Variants in TRIM37 observed in about 807,000 individuals in gnomAD.
TRIM37 encodes tripartite motif containing 37, also known as E3 ubiquitin-protein ligase TRIM37.
TRIM37 carries 80 observed loss-of-function variants against 129.8 expected under a neutral mutation model. The ratio of observed to expected loss-of-function variants is 0.62; its 90% confidence interval spans 0.51 to 0.74. The LOEUF (loss-of-function observed/expected upper bound fraction) is 0.74, where lower values mean the gene tolerates loss of function less well. TRIM37 is among the 30% of genes least tolerant of loss of function. The pLI, the probability that TRIM37 is intolerant of heterozygous loss-of-function variation, is 0.00. For synonymous variants in TRIM37, 389 were observed against 387.1 expected (o/e 1.00, Z -0.06); for missense variants, 1,054 against 1,176.5 (o/e 0.90, Z 1.52).
chr17:58,976,780 T>C, the TRIM37 span, among the ~76,000 whole-genome samples: 1 of 152,190 alleles, frequency 6.6e-6, no homozygotes, highest in African/African-American at 2.4e-5. Flanking sequence ...TACAAATCTT[T>C]GTATGTTCTG....
At chr17:58,996,161 C>T (rs1273970845), downstream of TRIM37, among the ~76,000 whole-genome samples, 2 of 151,876 alleles carry the variant, frequency 1.3e-5, no homozygotes, top group African/African-American at 4.8e-5. Context: ...AGGTTAAGTT[C>T]ACCAATAAAA....
intron 12 of TRIM37, 114 bp downstream of exon 12, chr17:59,060,918 A>T: frequency 1.3e-6 from 1 of 743,472 alleles, no homozygotes; most frequent in Non-Finnish European, 2.3e-6. Flanking sequence ...ATATTATTCT[A>T]CATCTTAACA....
intron 5 of TRIM37, among the ~76,000 whole-genome samples, chr17:59,081,964 A>AATAAT (rs1555688978): frequency 1.1e-4 from 10 of 87,190 alleles, no homozygotes; most frequent in East Asian, 3.1e-4. Flanking sequence ...AAAAAAAAAA[A>AATAAT]AATAATAATA....
At chr17:59,064,285 C>A in intron 10 of TRIM37, 70 bp downstream of exon 10, 1 of 1,227,118 alleles carries the variant, frequency 8.1e-7, no homozygotes, top group Non-Finnish European at 1.2e-6. Context: ...TACTGTCTTA[C>A]CAAAGAATAC....
chr17:58,967,985 G>T, the TRIM37 span, among the ~76,000 whole-genome samples: 12 of 152,036 alleles, frequency 7.9e-5, no homozygotes, highest in African/African-American at 2.9e-4. Context: ...TGTATTTTTA[G>T]TAGAGACAGG....
chr17:59,013,056 T>C, intron 21 of TRIM37, among the ~76,000 whole-genome samples: 1 of 152,186 alleles, frequency 6.6e-6, no homozygotes, highest in East Asian at 1.9e-4. Context: ...AATGTGAACC[T>C]ATAATTAGCT....
chr17:59,073,850 C>G (rs1168091178), intron 8 of TRIM37, among the ~76,000 whole-genome samples: 4 of 152,186 alleles, frequency 2.6e-5, no homozygotes, highest in Non-Finnish European at 5.9e-5. Context: ...ACATCTTGTC[C>G]CATTGAAAGG....
At position 58,998,633 on chromosome 17, in the gene TRIM37, C is replaced by A. The variant is rs2033265992; in HGVS notation, c.*744G>T. 6.1e-6 allele frequency: 6 copies of A among 985,114 alleles called. No homozygotes were observed. Among genetic ancestry groups the A allele is most frequent in the Non-Finnish European group, 7.2e-6 (6 of 829,852 alleles). The allele number at this position is 985,114 out of a possible 1,614,324, so 61.0% of individuals were successfully genotyped here. On this transcript the variant is annotated 3_prime_UTR_variant, in exon 24 of 24. Coordinates refer to ENST00000262294, the MANE Select transcript of TRIM37 (RefSeq NM_015294.6). ...GGGCTTTAAAATATTTGTTGCACTA[C>A]AGTCGTATAGTAAGAGGCAGAAAAA...
At chr17:58,969,149 A>G in the TRIM37 span, among the ~76,000 whole-genome samples, 1 of 152,184 alleles carries the variant, frequency 6.6e-6, no homozygotes, top group East Asian at 1.9e-4. Flanking sequence ...TTTGAAAAAA[A>G]TCACTCAATC....
chr17:59,057,735 G>A (rs940369058), intron 12 of TRIM37, among the ~76,000 whole-genome samples: 2 of 152,058 alleles, frequency 1.3e-5, no homozygotes, highest in Admixed American at 6.6e-5. Context: ...TGTTGGACAG[G>A]CTAGTATCAA....
intron 16 of TRIM37, among the ~76,000 whole-genome samples, chr17:59,044,479 T>C (rs1377875095): frequency 6.6e-6 from 1 of 151,826 alleles, no homozygotes. Context: ...GGGGAACTGC[T>C]TGAACCCAGG....
the TRIM37 span, among the ~76,000 whole-genome samples, chr17:58,972,436 C>T: frequency 3.9e-5 from 6 of 152,040 alleles, no homozygotes; most frequent in East Asian, 3.9e-4. Flanking sequence ...CTGCAACCTC[C>T]GCCTCCTGGG....
At position 59,091,293 on chromosome 17, in the gene TRIM37, C is replaced by T. The variant is rs370816046; in HGVS notation, c.164+7G>A. On this transcript the variant is annotated splice_region_variant and intron_variant, in intron 3 of 23. Transcript: ENST00000262294. Reference sequence around the variant, plus strand: ...AAATTCACAAATAATCGTAAGGAAACACTTACCGGCAATGAGGACATTGAG... The same window carrying T: ...AAATTCACAAATAATCGTAAGGAAATACTTACCGGCAATGAGGACATTGAG... The T allele has an allele frequency of 2.9e-4, 455 of 1,584,512 alleles. No homozygotes were observed. Among genetic ancestry groups the T allele is most frequent in the Non-Finnish European group, 3.6e-4 (420 of 1,162,610 alleles).
intron 2 of TRIM37, among the ~76,000 whole-genome samples, chr17:59,101,908 T>C (rs1206968912): frequency 6.7e-6 from 1 of 149,520 alleles, no homozygotes; most frequent in Non-Finnish European, 1.5e-5. Flanking sequence ...CACTGCACTT[T>C]AGCCTGGGCA....
chr17:59,032,801 G>A (rs2145647126), intron 17 of TRIM37, among the ~76,000 whole-genome samples: 1 of 152,218 alleles, frequency 6.6e-6, no homozygotes, highest in Non-Finnish European at 1.5e-5. Flanking sequence ...CAAAGAATTA[G>A]ACACCAAAAT....
intron 16 of TRIM37, among the ~76,000 whole-genome samples, chr17:59,046,499 A>T (rs1050174325): frequency 6.6e-6 from 1 of 152,018 alleles, no homozygotes; most frequent in African/African-American, 2.4e-5. Flanking sequence ...TACAAAATAA[A>T]CTATTCTGTA....
chr17:58,996,789 T>TAA (rs1464715166), downstream of TRIM37, among the ~76,000 whole-genome samples: 1 of 133,742 alleles, frequency 7.5e-6, no homozygotes, highest in African/African-American at 2.7e-5. Context: ...AAAGTATATA[T>TAA]ATATGTGTGT....
intron 23 of TRIM37, among the ~76,000 whole-genome samples, chr17:59,000,292 A>T (rs913781275): frequency 6.6e-6 from 1 of 152,232 alleles, no homozygotes; most frequent in Non-Finnish European, 1.5e-5. Context: ...AGCAGAATAA[A>T]AAACTATTTA....
At chr17:58,992,664 G>A (rs1170598749) in intron 24 of TRIM37, among the ~76,000 whole-genome samples, 4 of 152,192 alleles carry the variant, frequency 2.6e-5, no homozygotes, top group Admixed American at 2.6e-4. Flanking sequence ...ACAGGCGTGA[G>A]CCACTGTGCC....
Sources: gnomAD v4.1 joint callset for allele counts (sites outside exome capture counted in the v4.1 genomes callset) on GRCh38, gnomAD v4.1.1 for gene constraint, MANE v1.5 for transcripts, NCBI Gene and HGNC (gene_info 2026-07-23, HGNC 2026-07-21) for gene names.